Variants in DUSP16 observed in about 807,000 individuals in gnomAD.
DUSP16 encodes dual specificity phosphatase 16.
A neutral mutation model predicts 58.3 loss-of-function variants in DUSP16; 21 were observed. The ratio of observed to expected loss-of-function variants is 0.36; its 90% CI spans 0.26 to 0.52. The LOEUF is 0.52. Ranked by LOEUF, DUSP16 falls within the 20% of genes least tolerant of loss-of-function variation. The probability of loss-of-function intolerance (pLI) is 0.94; values close to 1 mark genes in which losing one functional copy is unlikely to be tolerated. For synonymous variants in DUSP16, 320 were observed against 323.8 expected (o/e 0.99, Z 0.12); for missense variants, 726 against 819.0 (o/e 0.89, Z 1.39).
At chr12:12,529,973 T>C (rs1213188386) in intron 1 of DUSP16, among the ~76,000 whole-genome samples, 2 of 152,254 alleles carry the variant, frequency 1.3e-5, no homozygotes, top group East Asian at 3.8e-4. Flanking sequence ...ATCTTGGCTA[T>C]TGTAAATAGC....
intron 1 of DUSP16, among the ~76,000 whole-genome samples, chr12:12,523,927 A>G (rs1015713127): frequency 1.3e-5 from 2 of 152,234 alleles, no homozygotes; most frequent in Admixed American, 1.3e-4. Context: ...AAATCCGAGA[A>G]CAAGAGCAAG....
Position 12,520,018 on chromosome 12 carries a change from G to A in DUSP16, c.229-18C>T. 1 of 1,613,792 alleles carries A rather than the reference G, an allele frequency of 6.2e-7. No individual in the cohort carries two copies. The highest frequency in any genetic ancestry group is 2.2e-5 in the East Asian group (1 of 44,856). ...ATGTCAACCTGAAATGCAAACATGA[G>A]GCTTGTTAGGAAGAAGGTGAGAAAA... On this transcript the variant is annotated intron_variant, in intron 2 of 6. Transcript: ENST00000298573.
intron 1 of DUSP16, among the ~76,000 whole-genome samples, chr12:12,530,600 T>C (rs1315409460): frequency 1.3e-5 from 2 of 152,170 alleles, no homozygotes; most frequent in Non-Finnish European, 2.9e-5. Context: ...AAAACATATA[T>C]ATAAGAAAAT....
In DUSP16 at chr12:12,535,905, A is replaced by T. The variant is rs11834653; in HGVS notation, c.-365-14442T>A. 9.9e-3 allele frequency among the ~76,000 whole-genome samples: 1,510 copies of T among 152,350 alleles called. 30 individuals are homozygous for T. The highest frequency in any genetic ancestry group is 0.034 in the African/African-American group (1,417 of 41,574). On this transcript the variant is annotated intron_variant, in intron 1 of 6. Coordinates refer to ENST00000298573, the MANE Select transcript of DUSP16 (RefSeq NM_030640.3). ...TGTATGCAGGCTTTCCTGGCTACAG[A>T]TTATGTCAACAAGTAACAAAATAAG...
chr12:12,524,237 G>A (rs1944272625), intron 1 of DUSP16, among the ~76,000 whole-genome samples: 1 of 152,182 alleles, frequency 6.6e-6, no homozygotes, highest in Admixed American at 6.5e-5. Flanking sequence ...ACCAAGAAAG[G>A]CTCTGGTCAA....
chr12:12,535,871 A>G (rs550832078), intron 1 of DUSP16, among the ~76,000 whole-genome samples: 2 of 152,266 alleles, frequency 1.3e-5, no homozygotes, highest in Non-Finnish European at 2.9e-5. Context: ...AGACAGAGGG[A>G]TAACAAACTG....
chr12:12,552,819 C>T lies in DUSP16; in HGVS notation c.-366+9298G>A, dbSNP rs182748204. ...TTTTTGAGACACAGTCTCGCTCTGT[C>T]GCCCAGGCTGGAGTGCAATGGCAGG... On this transcript the variant is annotated intron_variant, in intron 1 of 6. Transcript: ENST00000298573. Among the ~76,000 whole-genome samples, 250 of 152,176 alleles carry T rather than the reference C, an allele frequency of 1.6e-3. 4 individuals carry two copies. Among genetic ancestry groups the T allele is most frequent in the African/African-American group, 5.7e-3 (238 of 41,528 alleles).
intron 1 of DUSP16, among the ~76,000 whole-genome samples, chr12:12,558,386 GT>G (rs139098397): frequency 0.066 from 9,425 of 143,222 alleles, 412 homozygotes; most frequent in East Asian, 0.22. Flanking sequence ...AAGATTATAT[GT>G]TTTTTTTTTT....
At chr12:12,546,584 T>A (rs1243674765) in intron 1 of DUSP16, among the ~76,000 whole-genome samples, 1 of 152,170 alleles carries the variant, frequency 6.6e-6, no homozygotes, top group Non-Finnish European at 1.5e-5. Context: ...GACCTGGCAA[T>A]AGGCCAGAAA....
chr12:12,514,500 A>G (rs1325058646), intron 3 of DUSP16, among the ~76,000 whole-genome samples: 1 of 152,198 alleles, frequency 6.6e-6, no homozygotes, highest in Non-Finnish European at 1.5e-5. Flanking sequence ...CAGTAACACG[A>G]AAGATATTAC....
intron 3 of DUSP16, among the ~76,000 whole-genome samples, chr12:12,503,414 A>G (rs559932959): frequency 9.9e-5 from 15 of 151,844 alleles, no homozygotes; most frequent in Non-Finnish European, 1.8e-4. Context: ...TAGTAGAGAC[A>G]GGGTTTCATC....
At chr12:12,513,486 T>C (rs979770830) in intron 3 of DUSP16, among the ~76,000 whole-genome samples, 2 of 152,190 alleles carry the variant, frequency 1.3e-5, no homozygotes, top group African/African-American at 2.4e-5. Context: ...CAGAAGACTC[T>C]GGAATTACTT....
chr12:12,515,082 GA>G (rs140609229), intron 3 of DUSP16, among the ~76,000 whole-genome samples: 10,943 of 151,856 alleles, frequency 0.072, 841 homozygotes, highest in East Asian at 0.39. Context: ...TTATTAAAAA[GA>G]AAAAATATAT....
chr12:12,560,052 T>C (rs913614900), intron 1 of DUSP16, among the ~76,000 whole-genome samples: 1 of 152,154 alleles, frequency 6.6e-6, no homozygotes, highest in Non-Finnish European at 1.5e-5. Context: ...AGGTACACAC[T>C]TACAATCACC....
intron 1 of DUSP16, among the ~76,000 whole-genome samples, chr12:12,537,544 T>A (rs1395176826): frequency 1.3e-5 from 2 of 152,238 alleles, no homozygotes; most frequent in Admixed American, 6.5e-5. Context: ...AAACTTAATA[T>A]AAACCAGACC....
chr12:12,496,969 C>T (rs904376642), intron 4 of DUSP16, among the ~76,000 whole-genome samples: 4 of 152,126 alleles, frequency 2.6e-5, no homozygotes, highest in Non-Finnish European at 4.4e-5. Flanking sequence ...ATGCTGAGAC[C>T]TAGACTGTCC....
chr12:12,548,645 A>G (rs1401723368), intron 1 of DUSP16, among the ~76,000 whole-genome samples: 3 of 139,320 alleles, frequency 2.2e-5, no homozygotes, highest in Admixed American at 7.4e-5. Context: ...AAAAAAAAAA[A>G]AAGAAAAAGA....
chr12:12,495,371 T>TCC (rs999466829), intron 4 of DUSP16, among the ~76,000 whole-genome samples: 2 of 151,894 alleles, frequency 1.3e-5, no homozygotes, highest in African/African-American at 4.8e-5. Flanking sequence ...GAAGACATAC[T>TCC]CCCCCTAAGG....
At position 12,475,099 on chromosome 12, in the gene DUSP16, C is replaced by A. The variant is rs536986152; in HGVS notation, c.*1734G>T. 1.3e-5 allele frequency: 2 copies of A among 152,038 alleles called. No homozygotes were observed. Among genetic ancestry groups the A allele is most frequent in the Non-Finnish European group, 2.9e-5 (2 of 68,020 alleles). 9.4% of individuals were successfully genotyped at this position (152,038 alleles called of 1,614,324 possible). ...CATTCTGTGCTGGTTTTAGAAGTCACCATAGGAAACATGAAGTCACATCCT... is the reference window on the plus strand; with the variant it reads ...CATTCTGTGCTGGTTTTAGAAGTCAACATAGGAAACATGAAGTCACATCCT... On this transcript the variant is annotated 3_prime_UTR_variant, in exon 7 of 7. Transcript: ENST00000298573.
Sources: gnomAD v4.1 joint callset for allele counts (sites outside exome capture counted in the v4.1 genomes callset) on GRCh38, gnomAD v4.1.1 for gene constraint, MANE v1.5 for transcripts, NCBI Gene and HGNC (gene_info 2026-07-23, HGNC 2026-07-21) for gene names.